Variants in THSD7B observed in about 807,000 individuals in gnomAD.
THSD7B encodes thrombospondin type 1 domain containing 7B.
A neutral mutation model predicts 213.6 loss-of-function variants in THSD7B; 138 were observed. The ratio of observed to expected loss-of-function variants is 0.65; its 90% CI spans 0.56 to 0.74. The LOEUF is 0.74. Among genes scored for constraint, THSD7B ranks in the 30% least tolerant of loss-of-function variants. THSD7B has a pLI of 0.00. For synonymous variants in THSD7B, 742 were observed against 687.0 expected, an observed-to-expected ratio of 1.08 and a Z score of -1.25; for missense variants, 1,931 against 1,991.5, an observed-to-expected ratio of 0.97 and a Z score of 0.58.
At chr2:137,420,251 A>G (rs6430713) in intron 14 of THSD7B, among the ~76,000 whole-genome samples, 87,555 of 151,920 alleles carry the variant, frequency 0.58, 27,896 homozygotes, top group East Asian at 0.77. Flanking sequence ...GGGTTCTAGA[A>G]TATCTCAATA....
At chr2:137,625,738 T>G (rs1488289519) in intron 20 of THSD7B, among the ~76,000 whole-genome samples, 6 of 152,288 alleles carry the variant, frequency 3.9e-5, no homozygotes, top group Admixed American at 3.3e-4. Flanking sequence ...CATTGCACAC[T>G]GCCAATGGCT....
At chr2:137,207,790 C>T (rs1217793017) in intron 7 of THSD7B, among the ~76,000 whole-genome samples, 1 of 152,026 alleles carries the variant, frequency 6.6e-6, no homozygotes, top group Non-Finnish European at 1.5e-5. Context: ...CTGTTTGTTA[C>T]CTCTTCCATG....
chr2:136,838,979 G>C (rs1682881631), intron 1 of THSD7B, among the ~76,000 whole-genome samples: 1 of 152,166 alleles, frequency 6.6e-6, no homozygotes, highest in Admixed American at 6.5e-5. Context: ...GGACCTCTCA[G>C]GTGCTTTAGC....
chr2:137,396,253 GTTAGGGTGTCA>G (rs1212019275), intron 12 of THSD7B, among the ~76,000 whole-genome samples: 1 of 140,302 alleles, frequency 7.1e-6, no homozygotes, highest in African/African-American at 2.6e-5. Flanking sequence ...TAATTGTGAT[GTTAGGGTGTCA>G]GTTTTGGATC....
rs1490072212 is a variant in THSD7B at position 136,882,195 on chromosome 2, A to C, written c.17A>C (p.Asn6Thr). 6.5e-7 allele frequency: 1 copy of C among 1,532,536 alleles called. No homozygotes were observed. The highest frequency in any genetic ancestry group is 2.1e-5 in the Admixed American group (1 of 47,902). The allele number at this position is 1,532,536 out of a possible 1,614,324, so 94.9% of individuals were successfully genotyped here. ...ATCTGAAGCATGTTTCCAAAGAGCA[A>C]CCTAACAGTCACTTGCTGGGTATGG... MFPKSNLTVTCWVWRS... is the reference protein window; with the variant it reads MFPKSTLTVTCWVWRS... Residue 6 changes from asparagine to threonine, a missense_variant, in exon 2 of 28, where the codon AAC (asparagine) becomes ACC (threonine). Asn to Thr is a moderately conservative substitution (Grantham distance 65, BLOSUM62 0). Coordinates refer to ENST00000409968, the MANE Select transcript of THSD7B (RefSeq NM_001316349.2).
chr2:136,792,577 G>A (rs1681988428), intron 1 of THSD7B, among the ~76,000 whole-genome samples: 1 of 152,152 alleles, frequency 6.6e-6, no homozygotes, highest in South Asian at 2.1e-4. Flanking sequence ...ACCACTGTGG[G>A]TGGAATGCTG....
intron 2 of THSD7B, among the ~76,000 whole-genome samples, chr2:136,908,159 GCT>G (rs1185259200): frequency 6.6e-6 from 1 of 151,946 alleles, no homozygotes; most frequent in Non-Finnish European, 1.5e-5. Context: ...GCTTCCAGGA[GCT>G]CATTTTAAAT....
intron 7 of THSD7B, among the ~76,000 whole-genome samples, chr2:137,195,573 A>G (rs1363203310): frequency 6.6e-6 from 1 of 152,164 alleles, no homozygotes; most frequent in Non-Finnish European, 1.5e-5. Flanking sequence ...TAAATCTATG[A>G]CAATTTGAGC....
rs539714821 is a variant in THSD7B, at chr2:137,130,588, CT to C, written c.1369+15296del. Among the ~76,000 whole-genome samples, 593 of 143,300 alleles carry C rather than the reference CT, an allele frequency of 4.1e-3. 1 individual carries two copies. The highest frequency in any genetic ancestry group is 0.015 in the African/African-American group (568 of 37,950). 94.0% of individuals were successfully genotyped at this position (143,300 alleles called of 152,430 possible). A position where few individuals can be genotyped will look rare whatever the true frequency, so the allele number is the denominator to read the frequency against. On this transcript the variant is annotated intron_variant, in intron 5 of 27. Transcript: ENST00000409968. Reference sequence around the variant, plus strand: ...GTTCCCCTTCCTGTGTCCATGTGTTCTCATTGTTCAATTCCCACCTGTGAGT... The same window carrying C: ...GTTCCCCTTCCTGTGTCCATGTGTTCCATTGTTCAATTCCCACCTGTGAGT...
chr2:137,183,363 A>G (rs1244900411), intron 7 of THSD7B, among the ~76,000 whole-genome samples: 1 of 152,142 alleles, frequency 6.6e-6, no homozygotes, highest in Non-Finnish European at 1.5e-5. Flanking sequence ...AAAAGATAAC[A>G]TGAAGGCTTA....
intron 12 of THSD7B, among the ~76,000 whole-genome samples, chr2:137,340,831 G>A (rs1684745431): frequency 6.6e-6 from 1 of 151,658 alleles, no homozygotes; most frequent in South Asian, 2.1e-4. Context: ...ATCTTCTGGT[G>A]GACACTTAGG....
intron 2 of THSD7B, among the ~76,000 whole-genome samples, chr2:137,052,494 G>T (rs1006658728): frequency 6.6e-6 from 1 of 151,476 alleles, no homozygotes; most frequent in African/African-American, 2.4e-5. Flanking sequence ...TAAAAACATA[G>T]TTTCTTATGT....
intron 2 of THSD7B, among the ~76,000 whole-genome samples, chr2:136,963,365 A>G (rs1480634623): frequency 2.0e-5 from 3 of 152,194 alleles, no homozygotes; most frequent in African/African-American, 7.2e-5. Context: ...ATTAAAAGGA[A>G]AGAACGGGGC....
chr2:137,533,144 T>A (rs79736465), intron 15 of THSD7B, among the ~76,000 whole-genome samples: 25,289 of 151,702 alleles, frequency 0.17, 2,239 homozygotes, highest in South Asian at 0.28. Flanking sequence ...TTTGTTTTCA[T>A]TTAAATCACC....
intron 12 of THSD7B, among the ~76,000 whole-genome samples, chr2:137,368,857 C>T (rs971076978): frequency 4.6e-5 from 7 of 151,970 alleles, no homozygotes; most frequent in Middle Eastern, 3.4e-3. Flanking sequence ...ACAAAGATTA[C>T]CATCATCTAA....
chr2:136,852,648 T>C (rs956397950), intron 1 of THSD7B, among the ~76,000 whole-genome samples: 1 of 152,316 alleles, frequency 6.6e-6, no homozygotes, highest in Admixed American at 6.5e-5. Context: ...TGGTTTTGAT[T>C]TTGTTCTTTT....
chr2:137,453,896 C>T (rs1003008985), intron 15 of THSD7B, among the ~76,000 whole-genome samples: 2 of 152,096 alleles, frequency 1.3e-5, no homozygotes, highest in African/African-American at 4.8e-5. Flanking sequence ...TTTCACTTAT[C>T]ATAAGGTTTT....
intron 5 of THSD7B, among the ~76,000 whole-genome samples, chr2:137,150,111 G>A (rs1558938875): frequency 6.6e-6 from 1 of 151,842 alleles, no homozygotes; most frequent in African/African-American, 2.4e-5. Context: ...GTGTGGTGGT[G>A]CATGCCTGTA....
At chr2:137,362,350 A>T (rs111714862) in intron 12 of THSD7B, among the ~76,000 whole-genome samples, 43,250 of 152,058 alleles carry the variant, frequency 0.28, 6,349 homozygotes, top group South Asian at 0.31. Context: ...ACCAGCTAAC[A>T]TCATAATGAT....
Sources: allele counts gnomAD v4.1 joint callset (sites outside exome capture counted in the v4.1 genomes callset), GRCh38; gene constraint gnomAD v4.1.1; transcripts MANE v1.5; gene names NCBI Gene and HGNC (gene_info 2026-07-23, HGNC 2026-07-21).